Variants in KPNA6 observed in about 807,000 individuals in gnomAD.
KPNA6 encodes karyopherin subunit alpha 6.
Under a neutral mutation model 72.0 loss-of-function variants are expected in KPNA6, and 9 were observed. The observed-to-expected ratio is 0.13, with a 90% CI of 0.08 to 0.22. The LOEUF (loss-of-function observed/expected upper bound fraction) is 0.22, where lower values mean the gene tolerates loss of function less well. Among genes scored for constraint, KPNA6 ranks in the 10% least tolerant of loss-of-function variants. The probability of loss-of-function intolerance (pLI) is 1.00; values close to 1 mark genes in which losing one functional copy is unlikely to be tolerated. For missense variants in KPNA6, 374 were observed against 655.7 expected (o/e 0.57, Z 4.69); for synonymous variants, 219 against 242.1 (o/e 0.90, Z 0.89).
At position 32,160,847 on chromosome 1, in the gene KPNA6, A is replaced by G. The variant is rs1017158926; in HGVS notation, c.647+144A>G. On this transcript the variant is annotated intron_variant, in intron 7 of 13. Transcript: ENST00000373625. Reference sequence around the variant, plus strand: ...CATTCTGATTGCCAAAGTAAAAGATAGGTATCTTTGGAGATTGAGAAGGTT... The same window carrying G: ...CATTCTGATTGCCAAAGTAAAAGATGGGTATCTTTGGAGATTGAGAAGGTT... 3 of 642,546 alleles carry G rather than the reference A, an allele frequency of 4.7e-6. 1 individual carries two copies. Among genetic ancestry groups the G allele is most frequent in the Admixed American group, 4.5e-5 (2 of 44,246 alleles). The allele number at this position is 642,546 out of a possible 1,614,324, so 39.8% of individuals were successfully genotyped here.
At chr1:32,155,899 C>A (rs934846472) in intron 2 of KPNA6, among the ~76,000 whole-genome samples, 1 of 149,668 alleles carries the variant, frequency 6.7e-6, no homozygotes, top group South Asian at 2.1e-4. Context: ...CCACCACGCC[C>A]GGCTAATTTT....
At chr1:32,133,492 C>T (rs1239866064) in intron 1 of KPNA6, among the ~76,000 whole-genome samples, 1 of 111,400 alleles carries the variant, frequency 9.0e-6, no homozygotes, top group Non-Finnish European at 1.7e-5. Flanking sequence ...CCAGCCTAGG[C>T]AACATCACAA....
At chr1:32,143,584 A>G (rs1338436638) in intron 1 of KPNA6, among the ~76,000 whole-genome samples, 5 of 147,806 alleles carry the variant, frequency 3.4e-5, no homozygotes, top group African/African-American at 7.5e-5. Flanking sequence ...AAAAAAAAAA[A>G]AAGAAAAGAA....
intron 1 of KPNA6, among the ~76,000 whole-genome samples, chr1:32,149,907 A>G (rs1349888531): frequency 6.6e-6 from 1 of 152,062 alleles, no homozygotes. Context: ...AACATTAAAA[A>G]TGTTTTGTTG....
At chr1:32,128,383 GTATT>G (rs1351458643) in intron 1 of KPNA6, among the ~76,000 whole-genome samples, 5 of 33,190 alleles carry the variant, frequency 1.5e-4, no homozygotes, top group Admixed American at 8.5e-4. Context: ...TATTATATAT[GTATT>G]TATATATATA....
At chr1:32,168,372 G>T (rs570374067) in intron 12 of KPNA6, among the ~76,000 whole-genome samples, 2 of 152,240 alleles carry the variant, frequency 1.3e-5, no homozygotes, top group South Asian at 4.1e-4. Context: ...TGTACTTTTA[G>T]TAGAAACGGG....
chr1:32,137,860 C>G lies in KPNA6; in HGVS notation c.5-16728C>G, dbSNP rs551270815. On this transcript the variant is annotated intron_variant, in intron 1 of 13. Coordinates refer to ENST00000373625, the MANE Select transcript of KPNA6 (RefSeq NM_012316.5). ...TGCGAAATAGGGAAGATAGGCCAGG[C>G]ACAGTGGCTCACGCCTGTAGTCCCA... Among the ~76,000 whole-genome samples the G allele has an allele frequency of 2.0e-5, 3 of 152,268 alleles. No individual in the cohort carries two copies. The East Asian group carries it at 5.8e-4, about 29-fold the overall frequency.
intron 1 of KPNA6, among the ~76,000 whole-genome samples, chr1:32,134,633 G>T (rs1322078254): frequency 6.9e-6 from 1 of 145,258 alleles, no homozygotes; most frequent in East Asian, 2.0e-4. Context: ...GCAAGAGTCT[G>T]TCTCAAAAAA....
At chr1:32,112,461 T>C (rs1272989438) in intron 1 of KPNA6, among the ~76,000 whole-genome samples, 1 of 152,186 alleles carries the variant, frequency 6.6e-6, no homozygotes, top group Non-Finnish European at 1.5e-5. Flanking sequence ...AAGTGTGCAA[T>C]AATATGTAGA....
At chr1:32,133,146 C>G (rs760555835) in intron 1 of KPNA6, among the ~76,000 whole-genome samples, 1 of 151,912 alleles carries the variant, frequency 6.6e-6, no homozygotes, top group Non-Finnish European at 1.5e-5. Context: ...GAATTTGAGA[C>G]TAGCCTGGAA....
intron 1 of KPNA6, among the ~76,000 whole-genome samples, chr1:32,126,168 G>A (rs1641531861): frequency 6.6e-6 from 1 of 151,834 alleles, no homozygotes; most frequent in Admixed American, 6.6e-5. Context: ...TTATAGGTAT[G>A]AGCCATCGTG....
chr1:32,111,176 T>A (rs1030432424), intron 1 of KPNA6, among the ~76,000 whole-genome samples: 1 of 152,318 alleles, frequency 6.6e-6, no homozygotes, highest in East Asian at 1.9e-4. Flanking sequence ...AAGGAACTAA[T>A]GTTTAATAAG....
Position 32,129,293 on chromosome 1 carries a change from A to G in KPNA6, c.4+21159A>G, listed in dbSNP as rs375259106. ...GCCATCTTCCCACCTCAGTCTCCCT[A>G]GTAGCTGGGAGGCATGTACCACCAT... On this transcript the variant is annotated intron_variant, in intron 1 of 13. Transcript: ENST00000373625. Among the ~76,000 whole-genome samples, 394 of 151,332 alleles carry G rather than the reference A, an allele frequency of 2.6e-3. 2 individuals are homozygous for G. The highest frequency in any genetic ancestry group is 9.2e-3 in the African/African-American group (380 of 41,232).
chr1:32,151,354 CA>C (rs1642029428), intron 1 of KPNA6, among the ~76,000 whole-genome samples: 1 of 152,170 alleles, frequency 6.6e-6, no homozygotes, highest in Admixed American at 6.5e-5. Flanking sequence ...TAAAGTCTCT[CA>C]GCCCTGTGCG....
intron 1 of KPNA6, among the ~76,000 whole-genome samples, chr1:32,129,299 T>G (rs888192230): frequency 1.3e-5 from 2 of 151,890 alleles, no homozygotes; most frequent in African/African-American, 4.8e-5. Flanking sequence ...CCCTAGTAGC[T>G]GGGAGGCATG....
intron 1 of KPNA6, among the ~76,000 whole-genome samples, chr1:32,139,468 T>G (rs1257164793): frequency 6.6e-6 from 1 of 152,190 alleles, no homozygotes; most frequent in Admixed American, 6.6e-5. Flanking sequence ...ATATGTTTTT[T>G]TCTCCATCTA....
chr1:32,158,246 T>C lies in KPNA6; in HGVS notation c.332-21T>C, dbSNP rs112656660. 6.9e-5 allele frequency: 107 copies of C among 1,548,146 alleles called. 2 individuals carry two copies. The African/African-American group carries it at 1.1e-3, about 16-fold the overall frequency. On this transcript the variant is annotated intron_variant, in intron 4 of 13. Coordinates refer to ENST00000373625, the MANE Select transcript of KPNA6 (RefSeq NM_012316.5). The stretch of plus-strand genomic sequence containing the variant: ...GCAAAAGCTTCTCCTGTGTTTTTAT[T>C]TTCCCTTCTCCCTTATCCAGAGCCT...
intron 1 of KPNA6, among the ~76,000 whole-genome samples, chr1:32,151,635 G>A (rs1642035029): frequency 6.6e-6 from 1 of 152,136 alleles, no homozygotes; most frequent in Admixed American, 6.6e-5. Context: ...TTCTGCTATA[G>A]AATGTGCCTC....
intron 1 of KPNA6, among the ~76,000 whole-genome samples, chr1:32,122,625 A>G (rs1301424150): frequency 6.6e-6 from 1 of 152,108 alleles, no homozygotes; most frequent in Non-Finnish European, 1.5e-5. Flanking sequence ...TCTCATTTTT[A>G]AAGAAAAAAG....
Sources: gnomAD v4.1 joint callset for allele counts (sites outside exome capture counted in the v4.1 genomes callset) on GRCh38, gnomAD v4.1.1 for gene constraint, MANE v1.5 for transcripts, NCBI Gene and HGNC (gene_info 2026-07-23, HGNC 2026-07-21) for gene names.